Variants in ATM observed in about 807,000 individuals in gnomAD.
The protein encoded by ATM is ATM serine/threonine kinase.
ATM carries 308 observed loss-of-function variants against 387.0 expected under a neutral mutation model. The observed-to-expected ratio is 0.80, with a 90% confidence interval of 0.73 to 0.87. ATM has a LOEUF of 0.87. ATM is among the 40% of genes least tolerant of loss of function. The probability of loss-of-function intolerance (pLI) is 0.00; values close to 1 mark genes in which losing one functional copy is unlikely to be tolerated. For synonymous variants in ATM, 1,156 were observed against 1,187.3 expected (o/e 0.97, Z 0.54); for missense variants, 3,312 against 3,560.9 (o/e 0.93, Z 1.78).
chr11:108,309,026 T>G, intron 38 of ATM: 2 of 1,526,744 alleles, frequency 1.3e-6, no homozygotes, highest in Non-Finnish European at 1.8e-6. Flanking sequence ...AGATAAAAAT[T>G]CTTCATATTC....
chr11:108,251,891 G>A lies in ATM; in HGVS notation c.1662G>A (p.Thr554=), dbSNP rs764646531. 13 of 1,613,784 alleles carry A rather than the reference G, an allele frequency of 8.1e-6. No homozygotes were observed. Among genetic ancestry groups the A allele is most frequent in the South Asian group, 3.3e-5 (3 of 91,054 alleles). ...TGACCACCAGTATAGTTCCAGGAAC[G>A]GTAAAAATGGGAATAGAGCAAAATA... is the stretch of plus-strand genomic sequence containing the variant. ...LALTTSIVPG[T]VKMGIEQNMC... The change falls in exon 11 of 63, where the codon ACG becomes ACA. Residue 554 remains threonine (T), a synonymous_variant. Transcript: ENST00000675843.
chr11:108,361,444 C>A (rs1452696338), intron 61 of ATM, among the ~76,000 whole-genome samples: 1 of 151,950 alleles, frequency 6.6e-6, no homozygotes, highest in Admixed American at 6.6e-5. Context: ...TTGGAAAAAA[C>A]TACTTTAAAG....
chr11:108,297,283 C>T lies in ATM; in HGVS notation c.4910-4C>T, dbSNP rs786202493. 1.2e-6 allele frequency: 2 copies of T among 1,612,660 alleles called. No individual in the cohort carries two copies. Among genetic ancestry groups the T allele is most frequent in the Non-Finnish European group, 1.7e-6 (2 of 1,179,234 alleles). ...TAAACTAATTTTTAAAAAATTATTTCTAGATAATCCGCAAGATGGGATTAT... is the reference window on the plus strand; with the variant it reads ...TAAACTAATTTTTAAAAAATTATTTTTAGATAATCCGCAAGATGGGATTAT... On this transcript the variant is annotated splice_region_variant and splice_polypyrimidine_tract_variant and intron_variant, in intron 32 of 62. Coordinates refer to ENST00000675843, the MANE Select transcript of ATM (RefSeq NM_000051.4).
chr11:108,255,121 T>C (rs1168112679), intron 13 of ATM, among the ~76,000 whole-genome samples: 2 of 152,190 alleles, frequency 1.3e-5, no homozygotes, highest in Non-Finnish European at 2.9e-5. Flanking sequence ...TATTTATCTT[T>C]ATATCCTCCA....
intron 29 of ATM, among the ~76,000 whole-genome samples, chr11:108,291,588 T>C (rs1318984413): frequency 6.6e-6 from 1 of 152,230 alleles, no homozygotes; most frequent in Non-Finnish European, 1.5e-5. Context: ...GATATTTTAA[T>C]CTAGAGTTGT....
At chr11:108,301,515 G>T in intron 34 of ATM, 133 bp from the exon 35 acceptor site, 2 of 1,085,350 alleles carry the variant, frequency 1.8e-6, no homozygotes, top group Non-Finnish European at 2.7e-6. Context: ...ATTTGATATT[G>T]GAGAATTTTG....
chr11:108,332,956 G>C (rs2086442914), intron 53 of ATM, 56 bp downstream of exon 53: 7 of 1,572,040 alleles, frequency 4.5e-6, no homozygotes, highest in Non-Finnish European at 6.1e-6. Flanking sequence ...TCTCTGTAGA[G>C]ATATATTAGT....
At chr11:108,337,359 G>A (rs186884801) in intron 56 of ATM, among the ~76,000 whole-genome samples, 49 of 152,236 alleles carry the variant, frequency 3.2e-4, no homozygotes, top group Admixed American at 6.5e-4. Flanking sequence ...ATTAATCCTC[G>A]ATGAATGCAA....
rs761592414 is a variant in ATM, at chr11:108,267,351, A to T, written c.2638+9A>T. 6.2e-7 allele frequency: 1 copy of T among 1,612,678 alleles called. No individual in the cohort carries two copies. The highest frequency in any genetic ancestry group is 1.3e-5 in the African/African-American group (1 of 74,980). ...GAGCCAAAGTACCATAGGTAAATAC[A>T]TATTTACTACTTGGGATTTCTTTTA... On this transcript the variant is annotated intron_variant, in intron 17 of 62. Transcript: ENST00000675843.
chr11:108,281,545 A>T (rs1407736381), intron 24 of ATM, among the ~76,000 whole-genome samples: 8 of 152,196 alleles, frequency 5.3e-5, no homozygotes, highest in Non-Finnish European at 5.9e-5. Context: ...CAGGGCCAGA[A>T]GTCAAATTTT....
chr11:108,334,536 T>G (rs2086622397), intron 54 of ATM, among the ~76,000 whole-genome samples: 1 of 144,828 alleles, frequency 6.9e-6, no homozygotes, highest in African/African-American at 2.5e-5. Flanking sequence ...AAATACATTG[T>G]CTTTCTTTTC....
intron 38 of ATM, chr11:108,308,919 T>C: frequency 9.2e-7 from 1 of 1,082,514 alleles, no homozygotes; most frequent in Non-Finnish European, 1.4e-6. Context: ...GGAGAGCATT[T>C]GTTTTCTTGG....
chr11:108,301,572 T>C (rs2083430314), intron 34 of ATM, 76 bp from the exon 35 acceptor site: 3 of 1,580,908 alleles, frequency 1.9e-6, no homozygotes, highest in Non-Finnish European at 1.7e-6. Context: ...AGTTTTGAAA[T>C]TTTTTCAGTG....
Position 108,317,654 on chromosome 11 carries a change from C to T in ATM, c.6347+133C>T, listed in dbSNP as rs7942533. On this transcript the variant is annotated intron_variant, in intron 43 of 62. Transcript: ENST00000675843. ...ATATATATATATATATATATATATA[C>T]ACACACACACACACACACACTATAT... 0.019 allele frequency: 2,503 copies of T among 132,446 alleles called. 45 individuals are homozygous for T. The highest frequency in any genetic ancestry group is 0.086 in the African/African-American group (1,528 of 17,790). 8.2% of individuals were successfully genotyped at this position (132,446 alleles called of 1,614,324 possible). A position where few individuals can be genotyped will look rare whatever the true frequency, so the allele number is the denominator to read the frequency against.
intron 15 of ATM, among the ~76,000 whole-genome samples, chr11:108,258,480 T>C (rs1370705525): frequency 6.6e-6 from 1 of 152,228 alleles, no homozygotes. Flanking sequence ...CATAGTTTAC[T>C]TTCTTTTGCT....
rs587781413 is a variant in ATM at position 108,365,339 on chromosome 11, G to A, written c.9002G>A (p.Ser3001Asn). 10 of 1,614,216 alleles carry A rather than the reference G, an allele frequency of 6.2e-6. No homozygotes were observed. The Admixed American group carries it at 1.0e-4, about 16-fold the overall frequency. ...CKRNLSDIDQ[S>N]FNKVAERVLM... ...TTTGTCCTTAGTGATATTGACCAGA[G>A]TTTCAACAAAGTAGCTGAACGTGTC... The change falls in exon 63 of 63, where the codon AGT (serine) becomes AAT (asparagine). Residue 3001 changes from serine to asparagine, a missense_variant. Coordinates refer to ENST00000675843, the MANE Select transcript of ATM (RefSeq NM_000051.4).
chr11:108,284,419 G>T lies in ATM; in HGVS notation c.3939G>T (p.Glu1313Asp). The T allele has an allele frequency of 6.2e-7, 1 of 1,613,956 alleles. No homozygotes were observed. Among genetic ancestry groups the T allele is most frequent in the South Asian group, 1.1e-5 (1 of 91,060 alleles). The change falls in exon 26 of 63, where the codon GAG becomes GAT. Residue 1313 changes from glutamate to aspartate, a missense_variant. By Grantham distance (45) the Glu-to-Asp change is conservative. Coordinates refer to ENST00000675843, the MANE Select transcript of ATM (RefSeq NM_000051.4). ...ACAGTGGGATGGCACAGCAAAGAGA[G>T]ACTGCTACCAAGGTCTATGATATGC... The part of the protein sequence containing the change: ...TRDSGMAQQR[E>D]TATKVYDMLK...
intron 60 of ATM, among the ~76,000 whole-genome samples, chr11:108,354,211 C>T (rs1172960150): frequency 6.6e-6 from 1 of 152,094 alleles, no homozygotes; most frequent in Non-Finnish European, 1.5e-5. Flanking sequence ...AATAGTTCCT[C>T]TTCCTTCCAC....
intron 43 of ATM, among the ~76,000 whole-genome samples, chr11:108,318,711 G>C (rs999197550): frequency 1.3e-5 from 2 of 151,706 alleles, no homozygotes; most frequent in African/African-American, 4.8e-5. Context: ...AAAACACTCA[G>C]TTACCCAGGA....
Sources: allele counts gnomAD v4.1 joint callset (sites outside exome capture counted in the v4.1 genomes callset), GRCh38; gene constraint gnomAD v4.1.1; transcripts MANE v1.5; gene names NCBI Gene and HGNC (gene_info 2026-07-23, HGNC 2026-07-21).